CUBN: variants seen among roughly 807,000 people sequenced by gnomAD.
The protein encoded by CUBN is 460 kDa receptor.
A neutral mutation model predicts 405.3 loss-of-function variants in CUBN; 282 were observed. The ratio of observed to expected loss-of-function variants is 0.70; its 90% CI spans 0.63 to 0.77. The LOEUF (loss-of-function observed/expected upper bound fraction) is 0.77, where lower values mean the gene tolerates loss of function less well. Among genes scored for constraint, CUBN ranks in the 30% least tolerant of loss-of-function variants. CUBN has a pLI of 0.00. For missense variants in CUBN, 4,514 were observed against 4,475.2 expected, an observed-to-expected ratio of 1.01 and a Z score of -0.25; for synonymous variants, 1,684 against 1,617.0, an observed-to-expected ratio of 1.04 and a Z score of -0.99.
Position 17,105,545 on chromosome 10 carries a change from C to A in CUBN, c.1142G>T (p.Gly381Val), listed in dbSNP as rs776534490. ...GSLPLCTCLP[G>V]YTGNGYGPNG... is the part of the protein sequence containing the mutation. ...TGGCCCATAACCATTTCCAGTATAACCCGGGAGACACGTGCAGAGAGGTAA... is the reference window on the plus strand; with the variant it reads ...TGGCCCATAACCATTTCCAGTATAAACCGGGAGACACGTGCAGAGAGGTAA... The change falls in exon 11 of 67, where the codon GGT becomes GTT. Residue 381 changes from glycine (G) to valine (V), a missense_variant. Gly to Val is a moderately radical substitution (Grantham distance 109). Coordinates refer to ENST00000377833, the MANE Select transcript of CUBN (RefSeq NM_001081.4). 2.5e-6 allele frequency: 4 copies of A among 1,610,402 alleles called. No individual in the cohort carries two copies. The South Asian group carries it at 3.3e-5, about 13-fold the overall frequency.
chr10:16,925,678 A>G lies in CUBN; in HGVS notation c.6368T>C (p.Leu2123Pro), dbSNP rs770452850. 5.6e-6 allele frequency: 9 copies of G among 1,613,964 alleles called. No individual in the cohort carries two copies. Among genetic ancestry groups the G allele is most frequent in the Non-Finnish European group, 7.6e-6 (9 of 1,179,982 alleles). The change falls in exon 42 of 67, where the codon CTG (leucine) becomes CCG (proline). Residue 2123 changes from leucine (L) to proline (P), a missense_variant. Physicochemically the swap from Leu to Pro is moderately conservative, Grantham distance 98. Transcript: ENST00000377833. ...AGCAATGGTCAGGCCACTTTGGACC[A>G]GGACGTGCCAAGAACAGTTGAGGTT... ...PSNLNCSWHV[L>P]VQSGLTIAVH...
intron 27 of CUBN, among the ~76,000 whole-genome samples, chr10:17,021,097 T>C (rs1235848892): frequency 1.3e-5 from 2 of 152,076 alleles, no homozygotes; most frequent in Non-Finnish European, 2.9e-5. Context: ...TGTGTTATTT[T>C]AATTACTTTG....
intron 59 of CUBN, among the ~76,000 whole-genome samples, chr10:16,860,692 T>C (rs1839987989): frequency 6.6e-6 from 1 of 152,234 alleles, no homozygotes; most frequent in Admixed American, 6.5e-5. Context: ...CCAGAAACCT[T>C]AGGAGCATTA....
intron 14 of CUBN, among the ~76,000 whole-genome samples, chr10:17,097,760 C>CA (rs1439557652): frequency 2.0e-5 from 3 of 152,014 alleles, no homozygotes; most frequent in Non-Finnish European, 2.9e-5. Flanking sequence ...GAATAGAGGA[C>CA]AAAAAACATA....
intron 22 of CUBN, among the ~76,000 whole-genome samples, chr10:17,057,406 G>A (rs2131833599): frequency 6.6e-6 from 1 of 152,188 alleles, no homozygotes; most frequent in Non-Finnish European, 1.5e-5. Context: ...TTATGCAGAG[G>A]TGCTTCTGTC....
In CUBN at chr10:17,129,139, G is replaced by A; in HGVS notation, c.234C>T (p.Leu78=). 6.2e-7 allele frequency: 1 copy of A among 1,612,070 alleles called. No homozygotes were observed. Among genetic ancestry groups the A allele is most frequent in the East Asian group, 2.2e-5 (1 of 44,850 alleles). ...GTATTACCTGATGTAAACACTCACT[G>A]AGATCTTCATCATTTAATTTAATTT... ...LGKIKLNDED[L]SECLHQIQKN... The change falls in exon 2 of 67, where the codon CTC becomes CTT. Residue 78 remains leucine, a synonymous_variant. Coordinates refer to ENST00000377833, the MANE Select transcript of CUBN (RefSeq NM_001081.4).
intron 58 of CUBN, among the ~76,000 whole-genome samples, chr10:16,870,841 T>C (rs1840330632): frequency 1.3e-5 from 2 of 152,330 alleles, no homozygotes; most frequent in Admixed American, 6.5e-5. Context: ...CTCTGTCTTA[T>C]ACAGTGTTTA....
intron 10 of CUBN, 51 bp from the exon 11 acceptor site, chr10:17,105,626 G>A (rs758113270): frequency 1.3e-5 from 13 of 988,062 alleles, no homozygotes; most frequent in Middle Eastern, 2.0e-4. Flanking sequence ...TCCTCTGTTC[G>A]GATGCAGTAT....
At chr10:17,044,182 CAT>C (rs1240371003) in intron 25 of CUBN, among the ~76,000 whole-genome samples, 199 bp from the exon 26 acceptor site, 19 of 144,526 alleles carry the variant, frequency 1.3e-4, no homozygotes, top group African/African-American at 4.8e-4. Context: ...TTATTTAATA[CAT>C]ATATTTTTAT....
intron 38 of CUBN, among the ~76,000 whole-genome samples, chr10:16,938,109 C>A (rs1004037872): frequency 2.6e-5 from 4 of 151,842 alleles, no homozygotes; most frequent in Non-Finnish European, 5.9e-5. Flanking sequence ...ACCAACAGTA[C>A]TTAATAAATG....
intron 22 of CUBN, among the ~76,000 whole-genome samples, chr10:17,057,784 C>T (rs1462251765): frequency 6.6e-6 from 1 of 151,956 alleles, no homozygotes; most frequent in East Asian, 1.9e-4. Context: ...GAAAAAAACA[C>T]ATGAATACAG....
intron 47 of CUBN, among the ~76,000 whole-genome samples, chr10:16,914,200 G>A (rs1051864052): frequency 3.3e-5 from 5 of 152,066 alleles, no homozygotes; most frequent in Non-Finnish European, 7.4e-5. Context: ...ATGGGTGATA[G>A]TCCACAGGCA....
intron 43 of CUBN, among the ~76,000 whole-genome samples, chr10:16,921,902 T>C (rs1231104046): frequency 6.6e-6 from 1 of 152,180 alleles, no homozygotes; most frequent in East Asian, 1.9e-4. Context: ...TGGAGGTAAT[T>C]CAGAGATTTC....
intron 48 of CUBN, among the ~76,000 whole-genome samples, chr10:16,911,833 T>C (rs1841744989): frequency 6.6e-6 from 1 of 152,168 alleles, no homozygotes; most frequent in South Asian, 2.1e-4. Context: ...TCTCCAAATA[T>C]TGCTCAATAA....
At position 17,092,747 on chromosome 10, in the gene CUBN, C is replaced by T. The variant is rs372647618; in HGVS notation, c.1766-4402G>A. ...AACCCTCAGTTCCAGGAATTGCCCACCTCTTACCCAGAAAACTGATGAATA... is the reference window on the plus strand; with the variant it reads ...AACCCTCAGTTCCAGGAATTGCCCATCTCTTACCCAGAAAACTGATGAATA... On this transcript the variant is annotated intron_variant, in intron 14 of 66. Coordinates refer to ENST00000377833, the MANE Select transcript of CUBN (RefSeq NM_001081.4). 1.6e-4 allele frequency among the ~76,000 whole-genome samples: 24 copies of T among 152,146 alleles called. No individual in the cohort carries two copies. The East Asian group carries it at 3.9e-3, about 24-fold the overall frequency.
At chr10:16,910,118 TTCTC>T (rs1426404075) in intron 48 of CUBN, among the ~76,000 whole-genome samples, 1 of 151,874 alleles carries the variant, frequency 6.6e-6, no homozygotes, top group Non-Finnish European at 1.5e-5. Context: ...CTCCTTCTCT[TTCTC>T]CTTCTTCTAC....
chr10:16,885,704 A>T (rs1006669977), intron 56 of CUBN, among the ~76,000 whole-genome samples: 2 of 152,142 alleles, frequency 1.3e-5, no homozygotes, highest in African/African-American at 4.8e-5. Context: ...ATAATAATAC[A>T]TATACCACTG....
chr10:17,021,122 T>C (rs1383127413), intron 27 of CUBN, among the ~76,000 whole-genome samples: 2 of 152,210 alleles, frequency 1.3e-5, no homozygotes, highest in African/African-American at 4.8e-5. Context: ...TGAAGGATTT[T>C]TTTTTTCATG....
At chr10:17,128,007 G>T in intron 2 of CUBN, 83 bp from the exon 3 acceptor site, 1 of 976,754 alleles carries the variant, frequency 1.0e-6, no homozygotes, top group Non-Finnish European at 1.6e-6. Context: ...TTAAAAACTT[G>T]AGTAGTATTC....
Sources: gnomAD v4.1 joint callset for allele counts (sites outside exome capture counted in the v4.1 genomes callset) on GRCh38, gnomAD v4.1.1 for gene constraint, MANE v1.5 for transcripts, NCBI Gene and HGNC (gene_info 2026-07-23, HGNC 2026-07-21) for gene names.